MAP3K20: variants seen among roughly 807,000 people sequenced by gnomAD.
MAP3K20 encodes the protein HCCS-4.
In MAP3K20, 40 loss-of-function variants were observed where a neutral mutation model predicts 85.7. That is an observed-to-expected ratio of 0.47 (90% CI 0.36 to 0.61). The LOEUF (loss-of-function observed/expected upper bound fraction) is 0.61, where lower values mean the gene tolerates loss of function less well. Ranked by LOEUF, MAP3K20 falls within the 20% of genes least tolerant of loss-of-function variation. MAP3K20 has a pLI of 0.00. For missense variants in MAP3K20, 817 were observed against 961.7 expected (o/e 0.85, Z 1.99); for synonymous variants, 325 against 327.7 (o/e 0.99, Z 0.09).
chr2:173,245,757 C>A (rs978319166), intron 16 of MAP3K20, among the ~76,000 whole-genome samples: 12 of 152,138 alleles, frequency 7.9e-5, no homozygotes, highest in Admixed American at 2.6e-4. Flanking sequence ...CATGGTGAAA[C>A]CCCATCTCTA....
intron 3 of MAP3K20, 38 bp from the exon 4 acceptor site, chr2:173,182,816 T>C (rs1690368113): frequency 7.2e-7 from 1 of 1,393,760 alleles, no homozygotes; most frequent in Non-Finnish European, 9.8e-7. Flanking sequence ...AAATGTATCT[T>C]GATTTTAATT....
chr2:173,250,756 C>T (rs932284669), intron 16 of MAP3K20, among the ~76,000 whole-genome samples: 8 of 152,084 alleles, frequency 5.3e-5, no homozygotes, highest in Non-Finnish European at 1.0e-4. Flanking sequence ...GCAACCTATA[C>T]GCGCTGAAAG....
Position 173,232,408 on chromosome 2 carries a change from A to C in MAP3K20, c.1152A>C (p.Glu384Asp), listed in dbSNP as rs1383652899. 1 of 1,614,282 alleles carries C rather than the reference A, an allele frequency of 6.2e-7. No homozygotes were observed. Among genetic ancestry groups the C allele is most frequent in the Admixed American group, 1.7e-5 (1 of 60,032 alleles). ...TGKRLLLLEE[E>D]DLKDMGIVSK... is the part of the protein sequence containing the mutation. ...AGCGGCTGCTGCTGCTGGAGGAAGA[A>C]GACCTGAAAGACATGGGCATTGTCT... The change falls in exon 14 of 20, where the codon GAA becomes GAC. Residue 384 changes from glutamate (E) to aspartate (D), a missense_variant. Glu to Asp is a conservative substitution (Grantham distance 45). Transcript: ENST00000375213.
chr2:173,076,174 C>A (rs560381445), intron 1 of MAP3K20, among the ~76,000 whole-genome samples, 172 bp downstream of exon 1: 1 of 151,362 alleles, frequency 6.6e-6, no homozygotes, highest in Non-Finnish European at 1.5e-5. Context: ...CGCCCGGCGG[C>A]GGCGGCCGGA....
intron 11 of MAP3K20, chr2:173,221,245 A>G (rs773970036): frequency 1.2e-6 from 2 of 1,614,018 alleles, no homozygotes; most frequent in Non-Finnish European, 1.7e-6. Context: ...GTCAGATCAC[A>G]GCAACAAGTA....
At chr2:173,162,536 A>T (rs1689689893) in intron 2 of MAP3K20, among the ~76,000 whole-genome samples, 1 of 152,038 alleles carries the variant, frequency 6.6e-6, no homozygotes, top group Non-Finnish European at 1.5e-5. Context: ...AAATACAAAA[A>T]TTAGCCAGGT....
At chr2:173,193,335 CT>C (rs1395484953) in intron 7 of MAP3K20, among the ~76,000 whole-genome samples, 1 of 152,156 alleles carries the variant, frequency 6.6e-6, no homozygotes, top group Non-Finnish European at 1.5e-5. Flanking sequence ...AGTGCTTTTA[CT>C]TTTAAAATTC....
At chr2:173,116,806 AAAATGG>A (rs1688136229) in intron 2 of MAP3K20, among the ~76,000 whole-genome samples, 1 of 152,236 alleles carries the variant, frequency 6.6e-6, no homozygotes, top group Non-Finnish European at 1.5e-5. Flanking sequence ...TAGAACCTTC[AAAATGG>A]CATGCCTGCG....
intron 2 of MAP3K20, among the ~76,000 whole-genome samples, chr2:173,134,531 A>G (rs1357056127): frequency 6.9e-6 from 1 of 144,574 alleles, no homozygotes; most frequent in Non-Finnish European, 1.5e-5. Flanking sequence ...CCTCCTCCCA[A>G]AGTGCTGGGA....
At chr2:173,216,820 C>G (rs1223005751) in intron 10 of MAP3K20, among the ~76,000 whole-genome samples, 6 of 152,164 alleles carry the variant, frequency 3.9e-5, no homozygotes, top group Non-Finnish European at 7.3e-5. Context: ...CTGTAAAAAG[C>G]TAGATAAATG....
At chr2:173,168,040 C>T (rs530736972) in intron 2 of MAP3K20, among the ~76,000 whole-genome samples, 1 of 151,688 alleles carries the variant, frequency 6.6e-6, no homozygotes, top group Non-Finnish European at 1.5e-5. Flanking sequence ...CCAAACTGCA[C>T]ATACATTCTA....
intron 3 of MAP3K20, 109 bp downstream of exon 3, chr2:173,170,001 T>G: frequency 1.0e-6 from 1 of 977,486 alleles, no homozygotes; most frequent in Non-Finnish European, 1.6e-6. Flanking sequence ...TGTGTTACTG[T>G]CAGATGTCAC....
intron 14 of MAP3K20, among the ~76,000 whole-genome samples, chr2:173,234,052 A>T (rs78387059): frequency 0.013 from 1,989 of 152,322 alleles, 40 homozygotes; most frequent in African/African-American, 0.045. Flanking sequence ...CAGTAGGAAA[A>T]AGTATTTTCT....
At chr2:173,218,066 C>T (rs1239864522) in intron 11 of MAP3K20, among the ~76,000 whole-genome samples, 2 of 151,886 alleles carry the variant, frequency 1.3e-5, no homozygotes, top group Non-Finnish European at 2.9e-5. Flanking sequence ...CTTAAAATTA[C>T]CCAAGTAATG....
chr2:173,258,884 C>A, intron 17 of MAP3K20, 69 bp downstream of exon 17: 4 of 1,009,912 alleles, frequency 4.0e-6, no homozygotes, highest in Non-Finnish European at 3.1e-6. Flanking sequence ...ATTAAAATAC[C>A]CCAGCAGTGT....
At chr2:173,222,051 A>C (rs1379030451) in intron 11 of MAP3K20, 1 of 962,922 alleles carries the variant, frequency 1.0e-6, no homozygotes. Flanking sequence ...AATAATTAAA[A>C]AACTAGCTGG....
At chr2:173,148,060 T>C (rs996303271) in intron 2 of MAP3K20, among the ~76,000 whole-genome samples, 1 of 152,152 alleles carries the variant, frequency 6.6e-6, no homozygotes, top group African/African-American at 2.4e-5. Context: ...ACAGAAAGAC[T>C]CAAAAATAAA....
intron 16 of MAP3K20, among the ~76,000 whole-genome samples, chr2:173,257,221 TAATA>T (rs548016329): frequency 2.6e-5 from 4 of 152,180 alleles, no homozygotes; most frequent in East Asian, 1.9e-4. Context: ...TACACAGATT[TAATA>T]TATATATTCA....
intron 10 of MAP3K20, chr2:173,211,652 C>G (rs1194752828): frequency 6.5e-6 from 1 of 152,702 alleles, no homozygotes; most frequent in African/African-American, 2.4e-5. Flanking sequence ...CACAGTGGCT[C>G]ACGCCTGTAA....
Sources: allele counts gnomAD v4.1 joint callset (sites outside exome capture counted in the v4.1 genomes callset), GRCh38; gene constraint gnomAD v4.1.1; transcripts MANE v1.5; gene names NCBI Gene and HGNC (gene_info 2026-07-23, HGNC 2026-07-21).